Variants in DNMBP observed in about 807,000 individuals in gnomAD.
DNMBP encodes dynamin binding protein.
Under a neutral mutation model 150.0 loss-of-function variants are expected in DNMBP, and 87 were observed. That is an observed-to-expected ratio of 0.58 (90% confidence interval 0.49 to 0.69). The LOEUF (loss-of-function observed/expected upper bound fraction) is 0.69. Among genes scored for constraint, DNMBP ranks in the 30% least tolerant of loss-of-function variants. The pLI, the probability that DNMBP is intolerant of heterozygous loss-of-function variation, is 0.00. For missense variants in DNMBP, 1,774 were observed against 1,949.0 expected (o/e 0.91, Z 1.69); for synonymous variants, 711 against 750.4 (o/e 0.95, Z 0.86).
At chr10:99,938,975 G>A (rs2040264292) in intron 4 of DNMBP, among the ~76,000 whole-genome samples, 1 of 152,072 alleles carries the variant, frequency 6.6e-6, no homozygotes, top group Non-Finnish European at 1.5e-5. Flanking sequence ...CTAGTGGGTG[G>A]GCCATCATGA....
At chr10:99,964,236 G>A (rs115616973) in intron 3 of DNMBP, among the ~76,000 whole-genome samples, 3,632 of 143,626 alleles carry the variant, frequency 0.025, 88 homozygotes, top group African/African-American at 0.068. Flanking sequence ...TCTGCTTTCC[G>A]GGTTCGAGCA....
intron 4 of DNMBP, among the ~76,000 whole-genome samples, chr10:99,925,455 G>A (rs567405219): frequency 9.2e-5 from 14 of 151,700 alleles, no homozygotes; most frequent in South Asian, 4.2e-4. Context: ...TCACTCTGTC[G>A]CCCAGGCTGG....
In DNMBP at chr10:99,956,390, C is replaced by T. The variant is rs768352811; in HGVS notation, c.1084G>A (p.Gly362Ser). 18 of 1,613,592 alleles carry T rather than the reference C, an allele frequency of 1.1e-5. No homozygotes were observed. In the South Asian group the frequency reaches 1.5e-4, roughly 14 times the overall value. Reference protein sequence around the residue: ...IISEAPTSPLGHLTSEYDTDR... With the variant: ...IISEAPTSPLSHLTSEYDTDR... ...GTGTCATACTCTGAAGTCAGATGAC[C>T]GAGGGGAGAAGTGGGTGCTTCAGAA... Residue 362 changes from glycine (G) to serine (S), a missense_variant, in exon 4 of 17, where the codon GGT becomes AGT. Physicochemically the swap from Gly to Ser is moderately conservative, Grantham distance 56. Around this residue, in one of 2 missense-constraint regions of DNMBP, gnomAD observed 344 missense variants for 456.6 expected, o/e 0.75. Coordinates refer to ENST00000324109, the MANE Select transcript of DNMBP (RefSeq NM_015221.4).
chr10:99,993,747 G>A (rs2040922402), intron 1 of DNMBP, among the ~76,000 whole-genome samples: 1 of 152,088 alleles, frequency 6.6e-6, no homozygotes, highest in Admixed American at 6.5e-5. Flanking sequence ...AGGCTGCAGT[G>A]AGCTGTGATC....
At chr10:99,996,295 T>C (rs535957163) in intron 1 of DNMBP, among the ~76,000 whole-genome samples, 59 of 152,052 alleles carry the variant, frequency 3.9e-4, no homozygotes, top group Non-Finnish European at 7.4e-4. Context: ...CCAAGGCAGG[T>C]GGATCACCTG....
Position 99,892,095 on chromosome 10 carries a change from C to A in DNMBP, c.3156+2851G>T, listed in dbSNP as rs1392492155. Among the ~76,000 whole-genome samples the A allele has an allele frequency of 1.4e-4, 19 of 138,546 alleles. 1 individual carries two copies. The highest frequency in any genetic ancestry group is 6.1e-5 in the Non-Finnish European group (4 of 65,834). 90.9% of individuals were successfully genotyped at this position (138,546 alleles called of 152,430 possible). A position where few individuals can be genotyped will look rare whatever the true frequency, so the allele number is the denominator to read the frequency against. ...GCCACCCCATCTGGGAGGTGAGGGG[C>A]GCCTCTGCCCGGCCGCCCCTACTGG... On this transcript the variant is annotated intron_variant, in intron 11 of 16. Coordinates refer to ENST00000324109, the MANE Select transcript of DNMBP (RefSeq NM_015221.4).
In DNMBP at chr10:99,884,083, C is replaced by T. The variant is rs1364335197; in HGVS notation, c.3925G>A (p.Gly1309Ser). The T allele has an allele frequency of 6.2e-7, 1 of 1,614,114 alleles. No individual in the cohort carries two copies. Among genetic ancestry groups the T allele is most frequent in the Non-Finnish European group, 8.5e-7 (1 of 1,180,036 alleles). The stretch of plus-strand genomic sequence containing the variant: ...TTCTTAATCACACCCACCAGGTCAC[C>T]TTCCAAAAGTGAGACATCCAAGTCT... ...AQDLDVSLLE[G>S]DLVGVIKKKD... Residue 1309 changes from glycine (G) to serine (S), a missense_variant, in exon 15 of 17, where the codon GGT becomes AGT. This residue lies in a region of DNMBP where 1,430 missense variants were observed against 1,492.5 expected (regional missense o/e 0.96). Transcript: ENST00000324109.
In DNMBP at chr10:99,939,121, C is replaced by CA. The variant is rs879724371; in HGVS notation, c.2260+16092dup. Among the ~76,000 whole-genome samples, 1,361 of 141,262 alleles carry CA rather than the reference C, an allele frequency of 9.6e-3. 17 individuals are homozygous for CA. Among genetic ancestry groups the CA allele is most frequent in the African/African-American group, 0.031 (1,182 of 38,714 alleles). 92.7% of individuals were successfully genotyped at this position (141,262 alleles called of 152,430 possible). A position where few individuals can be genotyped will look rare whatever the true frequency, so the allele number is the denominator to read the frequency against. On this transcript the variant is annotated intron_variant, in intron 4 of 16. Coordinates refer to ENST00000324109, the MANE Select transcript of DNMBP (RefSeq NM_015221.4). Reference sequence around the variant, plus strand: ...AAGGAAAAAAGGGAGAAAAGTGTGCCAAAAAAAAAAAGAGCAAGAATATGT... The same window carrying CA: ...AAGGAAAAAAGGGAGAAAAGTGTGCCAAAAAAAAAAAAGAGCAAGAATATGT...
chr10:99,888,298 C>T (rs542059758), intron 12 of DNMBP, among the ~76,000 whole-genome samples: 6 of 151,840 alleles, frequency 4.0e-5, no homozygotes, highest in African/African-American at 1.5e-4. Flanking sequence ...GCAACCTCCT[C>T]CTCCTGGGTT....
In DNMBP at chr10:99,888,955, TGGAGCCAGTTAGGACA is replaced by T. The variant is rs745897376; in HGVS notation, c.3157-18_3157-3del. On this transcript the variant is annotated splice_polypyrimidine_tract_variant and splice_region_variant and intron_variant, in intron 11 of 16. Coordinates refer to ENST00000324109, the MANE Select transcript of DNMBP (RefSeq NM_015221.4). The stretch of plus-strand genomic sequence containing the variant: ...CACCACTTTCACACATGCGGACTCC[TGGAGCCAGTTAGGACA>T]GACACAAGTCAGAACAGACAGAACT... 1 of 1,614,122 alleles carries T rather than the reference TGGAGCCAGTTAGGACA, an allele frequency of 6.2e-7. No individual in the cohort carries two copies. Among genetic ancestry groups the T allele is most frequent in the East Asian group, 2.2e-5 (1 of 44,880 alleles).
At chr10:99,958,245 T>C (rs1237215796) in intron 3 of DNMBP, 1 of 152,238 alleles carries the variant, frequency 6.6e-6, no homozygotes, top group African/African-American at 2.4e-5. Flanking sequence ...GTACTCACAG[T>C]TTTTAAAAAA....
intron 5 of DNMBP, among the ~76,000 whole-genome samples, 167 bp downstream of exon 5, chr10:99,908,786 G>A (rs1477259284): frequency 1.3e-5 from 2 of 152,178 alleles, no homozygotes; most frequent in African/African-American, 4.8e-5. Flanking sequence ...TGAAGGCTTA[G>A]CTGATGACAC....
At chr10:99,968,014 T>C (rs756145359) in intron 3 of DNMBP, among the ~76,000 whole-genome samples, 6 of 152,182 alleles carry the variant, frequency 3.9e-5, no homozygotes, top group Non-Finnish European at 7.3e-5. Context: ...TTTATATATT[T>C]ATGTATTATT....
chr10:99,900,558 T>A (rs2039724628), intron 6 of DNMBP, among the ~76,000 whole-genome samples: 1 of 152,124 alleles, frequency 6.6e-6, no homozygotes, highest in South Asian at 2.1e-4. Context: ...CCCTTTGCAG[T>A]CGAGCCAAGT....
At chr10:99,958,730 C>A (rs1354009831) in intron 3 of DNMBP, among the ~76,000 whole-genome samples, 3 of 152,180 alleles carry the variant, frequency 2.0e-5, no homozygotes, top group Non-Finnish European at 2.9e-5. Context: ...TTTGGAATAA[C>A]TGAGTAGCTA....
chr10:99,892,856 T>C (rs2039594546), intron 11 of DNMBP, among the ~76,000 whole-genome samples: 1 of 152,138 alleles, frequency 6.6e-6, no homozygotes, highest in African/African-American at 2.4e-5. Context: ...AGCCATAAAA[T>C]GCAAGTTTAA....
intron 16 of DNMBP, among the ~76,000 whole-genome samples, chr10:99,879,101 A>AAAAAAAAAAAAAAAAAAAAAAAACC (rs1554857510): frequency 1.5e-5 from 2 of 135,084 alleles, no homozygotes; most frequent in Admixed American, 7.4e-5. Context: ...AAAAAAAAAA[A>AAAAAAAAAAAAAAAAAAAAAAAACC]CCCAAAACGT....
chr10:99,932,624 T>A (rs967615588), intron 4 of DNMBP, among the ~76,000 whole-genome samples: 2 of 149,662 alleles, frequency 1.3e-5, no homozygotes, highest in South Asian at 4.3e-4. Flanking sequence ...AGACTGCTCA[T>A]ATCCGATTCT....
chr10:99,982,625 T>C (rs1013736870), intron 1 of DNMBP, among the ~76,000 whole-genome samples: 13 of 152,016 alleles, frequency 8.6e-5, no homozygotes, highest in African/African-American at 2.4e-5. Context: ...GGGTTCCCTG[T>C]ACTCCCCTAA....
Sources: gnomAD v4.1 joint callset for allele counts (sites outside exome capture counted in the v4.1 genomes callset) on GRCh38, gnomAD v4.1.1 for gene constraint, gnomAD v4.1.1 regional missense constraint, MANE v1.5 for transcripts, NCBI Gene and HGNC (gene_info 2026-07-23, HGNC 2026-07-21) for gene names.